RBBP6: variants seen among roughly 807,000 people sequenced by gnomAD.
RBBP6 encodes RB binding protein 6, ubiquitin ligase, also known as E3 ubiquitin-protein ligase RBBP6.
A neutral mutation model predicts 167.7 loss-of-function variants in RBBP6; 25 were observed. That is an observed-to-expected ratio of 0.15 (90% CI 0.11 to 0.21). RBBP6 has a LOEUF of 0.21. RBBP6 is among the 10% of genes least tolerant of loss of function. The probability of loss-of-function intolerance (pLI) is 1.00; values close to 1 mark genes in which losing one functional copy is unlikely to be tolerated. For synonymous variants in RBBP6, 789 were observed against 735.8 expected, an observed-to-expected ratio of 1.07 and a Z score of -1.17; for missense variants, 1,868 against 2,134.2, an observed-to-expected ratio of 0.88 and a Z score of 2.46.
chr16:24,546,159 A>G lies in RBBP6; in HGVS notation c.167-4A>G. 2 of 1,567,716 alleles carry G rather than the reference A, an allele frequency of 1.3e-6. No homozygotes were observed. Among genetic ancestry groups the G allele is most frequent in the Non-Finnish European group, 1.7e-6 (2 of 1,165,774 alleles). ...GAAATTCAATTCTGTCTTTTTATTT[A>G]CAGAATATACTGATGATAATGCTCT... On this transcript the variant is annotated splice_polypyrimidine_tract_variant and splice_region_variant and intron_variant, in intron 1 of 17. Transcript: ENST00000319715.
chr16:24,546,302 TTTTAG>T (rs1898649180), intron 2 of RBBP6, 40 bp downstream of exon 2: 1 of 1,486,614 alleles, frequency 6.7e-7, no homozygotes, highest in African/African-American at 1.4e-5. Flanking sequence ...AATAGACTTT[TTTTAG>T]TTTTTTTAAT....
intron 2 of RBBP6, among the ~76,000 whole-genome samples, chr16:24,547,871 T>C (rs1349007199): frequency 6.6e-6 from 1 of 152,262 alleles, no homozygotes; most frequent in African/African-American, 2.4e-5. Context: ...GATTTTTTGA[T>C]AGAAACTCTT....
chr16:24,572,008 A>G lies in RBBP6; in HGVS notation c.4942A>G (p.Ser1648Gly). The stretch of plus-strand genomic sequence containing the variant: ...AGACTATAATGAAAGTGACAGTGAA[A>G]GTAATGTTTCTGTAAAAGAAGAGGA... ...EPDYNESDSE[S>G]NVSVKEEESS... Residue 1648 changes from serine to glycine, a missense_variant, in exon 18 of 18, where the codon AGT becomes GGT. Transcript: ENST00000319715. 6.2e-7 allele frequency: 1 copy of G among 1,614,098 alleles called. No homozygotes were observed. Among genetic ancestry groups the G allele is most frequent in the Non-Finnish European group, 8.5e-7 (1 of 1,179,996 alleles).
intron 2 of RBBP6, 32 bp downstream of exon 2, chr16:24,546,294 TAG>T (rs753164194): frequency 2.0e-6 from 3 of 1,502,462 alleles, no homozygotes; most frequent in Non-Finnish European, 2.6e-6. Flanking sequence ...TTTCTCAAAA[TAG>T]ACTTTTTTTA....
chr16:24,550,895 C>CA (rs775167085), intron 3 of RBBP6, among the ~76,000 whole-genome samples: 16 of 151,802 alleles, frequency 1.1e-4, no homozygotes, highest in Non-Finnish European at 1.6e-4. Context: ...AATTAGTGCC[C>CA]ATCTTAGGAG....
chr16:24,570,430 T>G lies in RBBP6; in HGVS notation c.3740T>G (p.Val1247Gly). ...TCTAGCAAAGTTAAACAAGAAAAAG[T>G]CAAAGGAAAGGTCAGACGAAAAGTG... ...STSSKVKQEKVKGKVRRKVTG... is the reference protein window; with the variant it reads ...STSSKVKQEKGKGKVRRKVTG... Residue 1247 changes from valine (V) to glycine (G), a missense_variant, in exon 17 of 18, where the codon GTC (valine) becomes GGC (glycine). Physicochemically the swap from Val to Gly is moderately radical, Grantham distance 109 (BLOSUM62 -3). This residue lies in a region of RBBP6 where 673 missense variants were observed against 691.5 expected (regional missense o/e 0.97). Coordinates refer to ENST00000319715, the MANE Select transcript of RBBP6 (RefSeq NM_006910.5). The G allele has an allele frequency of 6.2e-7, 1 of 1,608,422 alleles. No individual in the cohort carries two copies. Among genetic ancestry groups the G allele is most frequent in the South Asian group, 1.1e-5 (1 of 89,720 alleles).
At chr16:24,554,310 A>C (rs1158617117) in intron 4 of RBBP6, 1 of 152,030 alleles carries the variant, frequency 6.6e-6, no homozygotes, top group Non-Finnish European at 1.5e-5. Context: ...CCTTTAAAAA[A>C]AAAAATAGGC....
chr16:24,551,694 A>AAGTTTTTT (rs750792023), intron 3 of RBBP6, among the ~76,000 whole-genome samples: 6 of 151,636 alleles, frequency 4.0e-5, no homozygotes, highest in Non-Finnish European at 7.4e-5. Context: ...TTTTATTCTT[A>AAGTTTTTT]AGTTTTTTAG....
At chr16:24,562,705 G>A (rs1431470412) in intron 10 of RBBP6, among the ~76,000 whole-genome samples, 2 of 149,920 alleles carry the variant, frequency 1.3e-5, no homozygotes, top group Admixed American at 6.6e-5. Context: ...AAAAAAAGGT[G>A]TAAGAGGCCC....
chr16:24,568,510 A>T (rs961964314), intron 16 of RBBP6, among the ~76,000 whole-genome samples: 1 of 152,244 alleles, frequency 6.6e-6, no homozygotes, highest in Admixed American at 6.5e-5. Flanking sequence ...ACGGTACATT[A>T]ATGCACTTCA....
intron 15 of RBBP6, 100 bp downstream of exon 15, chr16:24,567,605 T>G: frequency 3.6e-6 from 5 of 1,399,492 alleles, no homozygotes; most frequent in Non-Finnish European, 4.8e-6. Flanking sequence ...CCAGTTAGTA[T>G]GAGAAATTCA....
intron 2 of RBBP6, among the ~76,000 whole-genome samples, chr16:24,546,970 G>A (rs959994138): frequency 6.6e-6 from 1 of 152,204 alleles, no homozygotes; most frequent in African/African-American, 2.4e-5. Context: ...CTAACCTGGG[G>A]CAGGATTAAA....
rs537228513 is a variant in RBBP6 at position 24,561,556 on chromosome 16, G to A, written c.848-56G>A. On this transcript the variant is annotated intron_variant, in intron 8 of 17. Coordinates refer to ENST00000319715, the MANE Select transcript of RBBP6 (RefSeq NM_006910.5). ...GTGGACCATCCTTTTAATTCATTTC[G>A]TAAACACTTTGAGTTCCTACTATGC... 4.3e-5 allele frequency: 60 copies of A among 1,406,018 alleles called. No homozygotes were observed. The African/African-American group carries it at 5.7e-4, about 13-fold the overall frequency. 87.1% of individuals were successfully genotyped at this position (1,406,018 alleles called of 1,614,324 possible).
At chr16:24,549,107 A>G (rs952331893) in intron 3 of RBBP6, 126 bp downstream of exon 3, 89 of 1,515,778 alleles carry the variant, frequency 5.9e-5, no homozygotes, top group Non-Finnish European at 7.6e-5. Context: ...AATAAAATGT[A>G]TTTTGATGAC....
chr16:24,544,034 A>G (rs1423468228), intron 1 of RBBP6, among the ~76,000 whole-genome samples: 1 of 152,216 alleles, frequency 6.6e-6, no homozygotes, highest in African/African-American at 2.4e-5. Context: ...GGGGTAAGAA[A>G]TCATTGTAAT....
chr16:24,569,952 C>T lies in RBBP6; in HGVS notation c.3262C>T (p.Pro1088Ser). Residue 1088 changes from proline to serine, a missense_variant, in exon 17 of 18, where the codon CCC (proline) becomes TCC (serine). Transcript: ENST00000319715. ...GAAGGATGAAAAAATCACTGGAACCCCCAGAAAAGCTCACTCTAAATCAGC... is the reference window on the plus strand; with the variant it reads ...GAAGGATGAAAAAATCACTGGAACCTCCAGAAAAGCTCACTCTAAATCAGC... ...SQKDEKITGT[P>S]RKAHSKSAKE... is the part of the protein sequence containing the mutation. The T allele has an allele frequency of 6.2e-7, 1 of 1,600,512 alleles. No individual in the cohort carries two copies. The highest frequency in any genetic ancestry group is 8.5e-7 in the Non-Finnish European group (1 of 1,176,838).
chr16:24,570,489 G>T lies in RBBP6; in HGVS notation c.3799G>T (p.Asp1267Tyr). 1 of 1,578,810 alleles carries T rather than the reference G, an allele frequency of 6.3e-7. No homozygotes were observed. Among genetic ancestry groups the T allele is most frequent in the East Asian group, 2.2e-5 (1 of 44,758 alleles). ...GTEGSSSTLV[D>Y]YTSTSSTGGS... is the part of the protein sequence containing the mutation. Reference sequence around the variant, plus strand: ...TGAAGGATCCAGCTCAACTCTGGTGGATTACACCAGGTAGCTGAGTGTAGG... The same window carrying T: ...TGAAGGATCCAGCTCAACTCTGGTGTATTACACCAGGTAGCTGAGTGTAGG... Residue 1267 changes from aspartate (D) to tyrosine (Y), a missense_variant, in exon 17 of 18, where the codon GAT (aspartate) becomes TAT (tyrosine). By Grantham distance (160) the Asp-to-Tyr change is radical. Transcript: ENST00000319715.
At chr16:24,552,111 C>T (rs1196924277) in intron 3 of RBBP6, among the ~76,000 whole-genome samples, 1 of 151,720 alleles carries the variant, frequency 6.6e-6, no homozygotes, top group Non-Finnish European at 1.5e-5. Flanking sequence ...ATAGTCAGTT[C>T]CTTAATGTGG....
intron 8 of RBBP6, among the ~76,000 whole-genome samples, chr16:24,561,144 T>C (rs1042696303): frequency 3.3e-5 from 5 of 152,226 alleles, no homozygotes; most frequent in African/African-American, 1.2e-4. Flanking sequence ...TTTTTGTCTT[T>C]CTAGACTATC....
Sources: gnomAD v4.1 joint callset for allele counts (sites outside exome capture counted in the v4.1 genomes callset) on GRCh38, gnomAD v4.1.1 for gene constraint, gnomAD v4.1.1 regional missense constraint, MANE v1.5 for transcripts, NCBI Gene and HGNC (gene_info 2026-07-23, HGNC 2026-07-21) for gene names.